Variants in KDM4C observed in about 807,000 individuals in gnomAD.
KDM4C encodes lysine demethylase 4C, also known as lysine-specific demethylase 4C.
KDM4C carries 81 observed loss-of-function variants against 129.3 expected under a neutral mutation model. The observed-to-expected ratio is 0.63, with a 90% CI of 0.52 to 0.75. The LOEUF (loss-of-function observed/expected upper bound fraction) is 0.75, where lower values mean the gene tolerates loss of function less well. Among genes scored for constraint, KDM4C ranks in the 30% least tolerant of loss-of-function variants. The probability of loss-of-function intolerance (pLI) is 0.00; values close to 1 mark genes in which losing one functional copy is unlikely to be tolerated. For synonymous variants in KDM4C, 573 were observed against 456.1 expected (o/e 1.26, Z -3.26); for missense variants, 1,457 against 1,304.0 (o/e 1.12, Z -1.81).
At chr9:6,887,780 C>T (rs984240901) in intron 6 of KDM4C, among the ~76,000 whole-genome samples, 180 bp from the exon 7 acceptor site, 2 of 152,076 alleles carry the variant, frequency 1.3e-5, no homozygotes, top group Non-Finnish European at 2.9e-5. Context: ...GTGATGTATC[C>T]TTTAATTTTT....
chr9:6,905,623 A>G (rs1359542188), intron 8 of KDM4C, among the ~76,000 whole-genome samples: 1 of 152,230 alleles, frequency 6.6e-6, no homozygotes, highest in Non-Finnish European at 1.5e-5. Flanking sequence ...TTCGTAACAG[A>G]TAACTGCCGT....
intron 8 of KDM4C, among the ~76,000 whole-genome samples, chr9:6,962,507 C>T (rs1830204893): frequency 6.6e-6 from 1 of 152,076 alleles, no homozygotes; most frequent in Non-Finnish European, 1.5e-5. Context: ...AAAGTATGAG[C>T]AATGATCTTT....
At chr9:6,976,262 C>T (rs1462712268) in intron 8 of KDM4C, among the ~76,000 whole-genome samples, 1 of 152,084 alleles carries the variant, frequency 6.6e-6, no homozygotes, top group Non-Finnish European at 1.5e-5. Flanking sequence ...TAACACTTAG[C>T]AGTGCTTTGT....
At chr9:6,949,913 T>A (rs141557469) in intron 8 of KDM4C, among the ~76,000 whole-genome samples, 2 of 152,190 alleles carry the variant, frequency 1.3e-5, no homozygotes, top group Non-Finnish European at 2.9e-5. Flanking sequence ...TAAATTGATG[T>A]TCTTTCTGGA....
chr9:7,065,807 A>G (rs1456126157), intron 17 of KDM4C, among the ~76,000 whole-genome samples: 1 of 152,194 alleles, frequency 6.6e-6, no homozygotes, highest in Admixed American at 6.5e-5. Context: ...TGATGCATTT[A>G]GTGATTGTTG....
intron 15 of KDM4C, among the ~76,000 whole-genome samples, chr9:7,039,373 A>C (rs777041056): frequency 6.6e-6 from 1 of 152,002 alleles, no homozygotes; most frequent in Admixed American, 6.6e-5. Flanking sequence ...TTATAAGTCT[A>C]ATTTCAATTT....
chr9:6,874,492 T>C (rs1250741620), intron 5 of KDM4C, among the ~76,000 whole-genome samples: 1 of 152,238 alleles, frequency 6.6e-6, no homozygotes, highest in Non-Finnish European at 1.5e-5. Flanking sequence ...ATAAAGACTA[T>C]TAGCATATTT....
At chr9:7,082,807 A>G (rs1587525014) in intron 17 of KDM4C, among the ~76,000 whole-genome samples, 1 of 152,242 alleles carries the variant, frequency 6.6e-6, no homozygotes, top group African/African-American at 2.4e-5. Context: ...CAGAGCTGAC[A>G]AAAGGGACTT....
upstream of KDM4C, among the ~76,000 whole-genome samples, chr9:6,755,275 G>A (rs1388532386): frequency 6.6e-6 from 1 of 152,202 alleles, no homozygotes; most frequent in Non-Finnish European, 1.5e-5. Context: ...GGAGGCTGAG[G>A]CAGCAGAATG....
At position 7,046,731 on chromosome 9, in the gene KDM4C, G is replaced by C. The variant is rs1186968285; in HGVS notation, c.2260-131G>C. The C allele has an allele frequency of 2.5e-5, 18 of 717,654 alleles. No individual in the cohort carries two copies. The East Asian group carries it at 4.4e-4, about 18-fold the overall frequency. The allele number at this position is 717,654 out of a possible 1,614,324, so 44.5% of individuals were successfully genotyped here. A position where few individuals can be genotyped will look rare whatever the true frequency, so the allele number is the denominator to read the frequency against. ...TTTCTTTTTGAACTTCTCAGAGATA[G>C]ACCTTCATGTAATTCCTGATGGTTT... On this transcript the variant is annotated intron_variant, in intron 15 of 21. Transcript: ENST00000381309.
chr9:6,988,387 T>C (rs928264394), intron 11 of KDM4C, among the ~76,000 whole-genome samples: 2 of 152,052 alleles, frequency 1.3e-5, no homozygotes, highest in Admixed American at 6.6e-5. Context: ...TTTATCTTCA[T>C]CTTTATCATT....
intron 19 of KDM4C, among the ~76,000 whole-genome samples, chr9:7,150,506 G>A (rs1192762325): frequency 6.6e-6 from 1 of 152,154 alleles, no homozygotes; most frequent in East Asian, 1.9e-4. Context: ...TGAATCCTTG[G>A]AGAGAAATGT....
At chr9:7,169,013 C>G (rs1164773034) in intron 20 of KDM4C, among the ~76,000 whole-genome samples, 2 of 145,754 alleles carry the variant, frequency 1.4e-5, no homozygotes, top group African/African-American at 5.1e-5. Flanking sequence ...CCACTGCACT[C>G]TAGCCTGAGC....
rs1009786451 is a variant in KDM4C at position 6,988,484 on chromosome 9, C to G, written c.1677+1818C>G. 3.5e-5 allele frequency among the ~76,000 whole-genome samples: 5 copies of G among 144,086 alleles called. No homozygotes were observed. In the East Asian group the frequency reaches 8.3e-4, roughly 24 times the overall value. The allele number at this position is 144,086 out of a possible 152,430, so 94.5% of individuals were successfully genotyped here. On this transcript the variant is annotated intron_variant, in intron 11 of 21. Coordinates refer to ENST00000381309, the MANE Select transcript of KDM4C (RefSeq NM_015061.6). ...CTTGCCTGTAAGAACAACTGCATGACATCCTTTTCTTACACCATGGTGTTG... is the reference window on the plus strand; with the variant it reads ...CTTGCCTGTAAGAACAACTGCATGAGATCCTTTTCTTACACCATGGTGTTG...
chr9:7,098,040 A>G (rs1836653843), intron 17 of KDM4C, among the ~76,000 whole-genome samples: 1 of 152,256 alleles, frequency 6.6e-6, no homozygotes, highest in African/African-American at 2.4e-5. Flanking sequence ...GATCCAAAAT[A>G]AAACAAAGTA....
intron 17 of KDM4C, among the ~76,000 whole-genome samples, chr9:7,086,320 C>A (rs1464744164): frequency 4.6e-5 from 7 of 152,024 alleles, no homozygotes; most frequent in African/African-American, 1.7e-4. Context: ...TTGTGTGTCC[C>A]CTCTCATATA....
At chr9:6,873,942 G>A (rs1205645373) in intron 5 of KDM4C, among the ~76,000 whole-genome samples, 1 of 37,972 alleles carries the variant, frequency 2.6e-5, no homozygotes, top group Admixed American at 2.5e-4. Context: ...GAGAGAGAGC[G>A]AGAGAGAGAG....
chr9:6,774,801 C>G (rs916164966), intron 1 of KDM4C, among the ~76,000 whole-genome samples: 2 of 152,148 alleles, frequency 1.3e-5, no homozygotes, highest in Admixed American at 6.6e-5. Context: ...TATGAATTCA[C>G]CCAGATATCA....
chr9:7,135,532 A>T (rs1258092303), intron 19 of KDM4C, among the ~76,000 whole-genome samples: 1 of 152,158 alleles, frequency 6.6e-6, no homozygotes, highest in African/African-American at 2.4e-5. Flanking sequence ...GCTTAAACCC[A>T]TGGGCAGCGG....
Sources: allele counts gnomAD v4.1 joint callset (sites outside exome capture counted in the v4.1 genomes callset), GRCh38; gene constraint gnomAD v4.1.1; transcripts MANE v1.5; gene names NCBI Gene and HGNC (gene_info 2026-07-23, HGNC 2026-07-21).